Variants in ANXA8 observed in about 807,000 individuals in gnomAD.
The protein encoded by ANXA8 is annexin A8, also known as VAC-beta.
In ANXA8, 9 loss-of-function variants were observed where a neutral mutation model predicts 26.8. That is an observed-to-expected ratio of 0.34 (90% CI 0.20 to 0.59). The LOEUF (loss-of-function observed/expected upper bound fraction) is 0.59, where lower values mean the gene tolerates loss of function less well. Ranked by LOEUF, ANXA8 falls within the 20% of genes least tolerant of loss-of-function variation. The probability of loss-of-function intolerance (pLI) is 0.84; values close to 1 mark genes in which losing one functional copy is unlikely to be tolerated. For missense variants in ANXA8, 83 were observed against 238.5 expected (o/e 0.35, Z 4.29); for synonymous variants, 39 against 94.8 (o/e 0.41, Z 3.42).
chr10:47,631,799 T>C, the ANXA8 span, among the ~76,000 whole-genome samples: 3 of 151,404 alleles, frequency 2.0e-5, no homozygotes, highest in South Asian at 6.2e-4. Flanking sequence ...TGTTTTTGTT[T>C]ATATTTTTCC....
chr10:47,510,787 G>A, the ANXA8 span, among the ~76,000 whole-genome samples: 7 of 98,644 alleles, frequency 7.1e-5, no homozygotes, highest in African/African-American at 3.0e-4. Flanking sequence ...CCGAGTTCGC[G>A]CCACTGCACT....
the ANXA8 span, among the ~76,000 whole-genome samples, chr10:47,686,404 A>AT: frequency 6.6e-6 from 1 of 151,056 alleles, no homozygotes; most frequent in Non-Finnish European, 1.5e-5. Flanking sequence ...TTTTTATGGG[A>AT]TTTTACCATG....
At chr10:47,977,176 T>C in the ANXA8 span, among the ~76,000 whole-genome samples, 2 of 79,260 alleles carry the variant, frequency 2.5e-5, no homozygotes, top group East Asian at 2.5e-4. Flanking sequence ...AAGAAATCTC[T>C]GTCCAAAAAT....
the ANXA8 span, among the ~76,000 whole-genome samples, chr10:47,639,365 T>C: frequency 6.9e-6 from 1 of 144,912 alleles, no homozygotes; most frequent in Non-Finnish European, 1.5e-5. Context: ...CAGGCCGGAG[T>C]GCAGTGGCGC....
chr10:47,502,346 T>G, the ANXA8 span: 108 of 1,605,870 alleles, frequency 6.7e-5, 2 homozygotes, highest in Non-Finnish European at 9.1e-5. Flanking sequence ...TCATCAGTGG[T>G]GGCCCGCAGC....
At chr10:47,946,346 C>T in the ANXA8 span, among the ~76,000 whole-genome samples, 3 of 150,564 alleles carry the variant, frequency 2.0e-5, no homozygotes, top group Admixed American at 6.6e-5. Flanking sequence ...ATATCTGCCT[C>T]CTCACTAGTG....
chr10:47,733,189 CTTTCTTTCTTTCT>C, the ANXA8 span, among the ~76,000 whole-genome samples: 12 of 115,904 alleles, frequency 1.0e-4, no homozygotes, highest in African/African-American at 2.9e-4. Flanking sequence ...TTCTTTCTTT[CTTTCTTTCTTTCT>C]TTCTTTCTTT....
upstream of ANXA8, chr10:47,484,326 T>G (rs1211928218): frequency 1.9e-5 from 12 of 636,014 alleles, no homozygotes; most frequent in Non-Finnish European, 3.1e-5. Context: ...TCAGGTGATC[T>G]GCCCACCTTG....
the ANXA8 span, among the ~76,000 whole-genome samples, chr10:47,560,121 G>A: frequency 1.3e-5 from 2 of 151,790 alleles, no homozygotes. Flanking sequence ...TGTTTACACT[G>A]TTGTGTGGAA....
At chr10:47,488,713 ATTTTTTTTTTT>A (rs1160121365), upstream of ANXA8, among the ~76,000 whole-genome samples, 7 of 62,114 alleles carry the variant, frequency 1.1e-4, no homozygotes, top group East Asian at 6.6e-4. Flanking sequence ...TACATGTTAA[ATTTTTTTTTTT>A]TTTTTTTTTT....
At chr10:47,958,221 G>A in the ANXA8 span, among the ~76,000 whole-genome samples, 1 of 150,032 alleles carries the variant, frequency 6.7e-6, no homozygotes, top group Admixed American at 6.6e-5. Context: ...GTTCATGCCT[G>A]TAATCCCAAC....
the ANXA8 span, among the ~76,000 whole-genome samples, chr10:47,594,839 T>C: frequency 6.7e-6 from 1 of 148,370 alleles, no homozygotes; most frequent in Non-Finnish European, 1.5e-5. Flanking sequence ...GGAAAACATA[T>C]CTGAGGAAAA....
the ANXA8 span, among the ~76,000 whole-genome samples, chr10:47,676,308 A>G: frequency 6.6e-6 from 1 of 151,926 alleles, no homozygotes; most frequent in Admixed American, 6.6e-5. Context: ...GAGGTCATCA[A>G]TTCACAAATG....
the ANXA8 span, among the ~76,000 whole-genome samples, chr10:47,555,833 G>A: frequency 2.0e-5 from 3 of 152,084 alleles, no homozygotes; most frequent in African/African-American, 7.3e-5. Flanking sequence ...TCAGAAGTGT[G>A]TGAGTAGAAA....
the ANXA8 span, among the ~76,000 whole-genome samples, chr10:47,663,635 C>T: frequency 2.2e-3 from 286 of 132,806 alleles, 22 homozygotes; most frequent in African/African-American, 8.7e-3. Flanking sequence ...CCTCCTGCCT[C>T]GGCCTCCCAA....
the ANXA8 span, among the ~76,000 whole-genome samples, chr10:47,667,341 A>G: frequency 6.6e-6 from 1 of 151,966 alleles, no homozygotes; most frequent in Non-Finnish European, 1.5e-5. Context: ...AAAGTACAAA[A>G]TCATTCTGGA....
chr10:47,761,077 T>C, the ANXA8 span: 1 of 618,098 alleles, frequency 1.6e-6, no homozygotes, highest in African/African-American at 1.9e-5. Context: ...TCTGGGCCCA[T>C]ACCAGGCAAC....
chr10:47,953,857 G>C, the ANXA8 span, among the ~76,000 whole-genome samples: 1 of 150,534 alleles, frequency 6.6e-6, no homozygotes, highest in Non-Finnish European at 1.5e-5. Context: ...ATGTCAACCC[G>C]GTTAAAGTGG....
At chr10:47,957,134 T>C in the ANXA8 span, among the ~76,000 whole-genome samples, 3 of 150,054 alleles carry the variant, frequency 2.0e-5, no homozygotes, top group Admixed American at 2.0e-4. Context: ...AGGTTGGCAG[T>C]GAGTGGGCCA....
Sources: gnomAD v4.1 joint callset for allele counts (sites outside exome capture counted in the v4.1 genomes callset) on GRCh38, gnomAD v4.1.1 for gene constraint, MANE v1.5 for transcripts, NCBI Gene and HGNC (gene_info 2026-07-23, HGNC 2026-07-21) for gene names.